PARD3B: variants seen among roughly 807,000 people sequenced by gnomAD.
PARD3B encodes par-3 family cell polarity regulator beta.
In PARD3B, 103 loss-of-function variants were observed where a neutral mutation model predicts 130.2. The observed-to-expected ratio is 0.79, with a 90% CI of 0.67 to 0.93. PARD3B has a LOEUF of 0.93. PARD3B is among the 40% of genes least tolerant of loss of function. The probability of loss-of-function intolerance (pLI) is 0.00; values close to 1 mark genes in which losing one functional copy is unlikely to be tolerated. For synonymous variants in PARD3B, 583 were observed against 553.2 expected (o/e 1.05, Z -0.76); for missense variants, 1,609 against 1,499.2 (o/e 1.07, Z -1.21).
intron 21 of PARD3B, among the ~76,000 whole-genome samples, chr2:205,528,743 G>C (rs996885995): frequency 6.6e-6 from 1 of 152,108 alleles, no homozygotes; most frequent in African/African-American, 2.4e-5. Context: ...GCCCACCTCA[G>C]CCTCCCAAAG....
intron 1 of PARD3B, among the ~76,000 whole-genome samples, chr2:204,553,677 TATATATATATATATATATAC>T (rs1231410292): frequency 1.1e-4 from 13 of 119,176 alleles, no homozygotes; most frequent in African/African-American, 5.2e-4. Flanking sequence ...TATATATATA[TATATATATATATATATATAC>T]ACACATATAT....
chr2:204,947,299 T>A (rs551485214), intron 2 of PARD3B, among the ~76,000 whole-genome samples: 3 of 152,290 alleles, frequency 2.0e-5, no homozygotes, highest in African/African-American at 7.2e-5. Flanking sequence ...TTTTGAGAAT[T>A]TCAGAGTCTA....
intron 4 of PARD3B, among the ~76,000 whole-genome samples, chr2:205,079,778 C>A (rs1027195277): frequency 3.3e-5 from 5 of 152,092 alleles, no homozygotes; most frequent in African/African-American, 7.2e-5. Flanking sequence ...AACCAAAAAA[C>A]ATTTAATAAG....
chr2:205,577,861 G>C (rs1470294175), intron 22 of PARD3B, among the ~76,000 whole-genome samples: 1 of 152,158 alleles, frequency 6.6e-6, no homozygotes, highest in African/African-American at 2.4e-5. Flanking sequence ...GATTGATTCA[G>C]AACTACCCAT....
chr2:204,841,334 A>G (rs2044253915), intron 2 of PARD3B, among the ~76,000 whole-genome samples: 1 of 152,158 alleles, frequency 6.6e-6, no homozygotes, highest in African/African-American at 2.4e-5. Flanking sequence ...CATTGAGACA[A>G]AGCTAAAGCA....
chr2:205,426,089 G>A (rs1207833080), intron 19 of PARD3B, among the ~76,000 whole-genome samples: 1 of 152,048 alleles, frequency 6.6e-6, no homozygotes, highest in African/African-American at 2.4e-5. Context: ...AAGAAAAATG[G>A]GCGGTACTGA....
At chr2:204,738,925 T>C (rs2039876876) in intron 2 of PARD3B, among the ~76,000 whole-genome samples, 1 of 152,196 alleles carries the variant, frequency 6.6e-6, no homozygotes, top group Non-Finnish European at 1.5e-5. Context: ...TCATATAACA[T>C]AAAATAATTC....
Position 205,392,088 on chromosome 2 carries a change from G to C in PARD3B, c.2631-8925G>C, listed in dbSNP as rs181572361. 4.6e-5 allele frequency among the ~76,000 whole-genome samples: 7 copies of C among 152,188 alleles called. No homozygotes were observed. The East Asian group carries it at 1.4e-3, about 29-fold the overall frequency. ...TGGACCCTCTAGAATTATTTTTAACGTATCTGGTATTTCTAAATCCATTGC... is the reference window on the plus strand; with the variant it reads ...TGGACCCTCTAGAATTATTTTTAACCTATCTGGTATTTCTAAATCCATTGC... On this transcript the variant is annotated intron_variant, in intron 18 of 22. Transcript: ENST00000406610.
intron 21 of PARD3B, among the ~76,000 whole-genome samples, chr2:205,522,578 C>T (rs1441937468): frequency 8.2e-6 from 1 of 122,176 alleles, no homozygotes; most frequent in African/African-American, 3.0e-5. Context: ...TTACTGAGTT[C>T]CTATAGTATT....
chr2:204,998,953 C>G (rs948116614), intron 3 of PARD3B, among the ~76,000 whole-genome samples: 3 of 152,100 alleles, frequency 2.0e-5, no homozygotes, highest in African/African-American at 7.2e-5. Context: ...ACTTCGTGAT[C>G]CAAAGTGCTG....
At chr2:205,120,533 A>G (rs1389981997) in intron 7 of PARD3B, among the ~76,000 whole-genome samples, 3 of 152,198 alleles carry the variant, frequency 2.0e-5, no homozygotes, top group African/African-American at 7.2e-5. Flanking sequence ...GACCTGAAAT[A>G]AGAATAGCTG....
chr2:204,972,215 G>A (rs796884846), intron 3 of PARD3B, among the ~76,000 whole-genome samples: 21 of 152,152 alleles, frequency 1.4e-4, no homozygotes, highest in African/African-American at 5.1e-4. Flanking sequence ...GAATATGCCT[G>A]GCATTACCTC....
chr2:205,312,922 T>C (rs1043394662), intron 18 of PARD3B, among the ~76,000 whole-genome samples: 2 of 152,184 alleles, frequency 1.3e-5, no homozygotes, highest in Non-Finnish European at 1.5e-5. Context: ...TATACTGATA[T>C]TGACTTGTGT....
chr2:204,687,355 TAAC>T (rs1262650046), intron 2 of PARD3B, among the ~76,000 whole-genome samples: 1 of 152,122 alleles, frequency 6.6e-6, no homozygotes, highest in Non-Finnish European at 1.5e-5. Context: ...TTTAGGGAGA[TAAC>T]TAACTAAGTT....
intron 2 of PARD3B, among the ~76,000 whole-genome samples, chr2:204,957,497 A>C (rs908990130): frequency 6.6e-6 from 1 of 152,130 alleles, no homozygotes; most frequent in Admixed American, 6.6e-5. Context: ...TATCTCATTT[A>C]CTGACTGTCA....
intron 8 of PARD3B, among the ~76,000 whole-genome samples, chr2:205,123,757 G>C (rs970721908): frequency 6.6e-6 from 1 of 151,678 alleles, no homozygotes; most frequent in Non-Finnish European, 1.5e-5. Context: ...GAAGCAGTAA[G>C]ATGGAAGTAA....
intron 21 of PARD3B, among the ~76,000 whole-genome samples, chr2:205,509,740 C>T (rs1233503328): frequency 6.6e-6 from 1 of 152,230 alleles, no homozygotes; most frequent in Admixed American, 6.5e-5. Context: ...GCTTCTGTTT[C>T]CACGTATGGA....
chr2:204,950,418 G>C (rs547105634), intron 2 of PARD3B, among the ~76,000 whole-genome samples: 1 of 152,320 alleles, frequency 6.6e-6, no homozygotes, highest in Admixed American at 6.5e-5. Flanking sequence ...GATTTGGACT[G>C]AGTCAGTGTG....
intron 22 of PARD3B, among the ~76,000 whole-genome samples, chr2:205,614,023 A>T (rs1455970797): frequency 6.6e-6 from 1 of 152,138 alleles, no homozygotes; most frequent in East Asian, 1.9e-4. Flanking sequence ...CTTTTTTAAA[A>T]ATTATAAAAG....
Sources: gnomAD v4.1 joint callset for allele counts (sites outside exome capture counted in the v4.1 genomes callset) on GRCh38, gnomAD v4.1.1 for gene constraint, MANE v1.5 for transcripts, NCBI Gene and HGNC (gene_info 2026-07-23, HGNC 2026-07-21) for gene names.